Variants in WDFY3 observed in about 807,000 individuals in gnomAD.
WDFY3 encodes the protein WD repeat and FYVE domain-containing protein 3.
Under a neutral mutation model 409.6 loss-of-function variants are expected in WDFY3, and 66 were observed. That is an observed-to-expected ratio of 0.16 (90% CI 0.13 to 0.20). WDFY3 has a LOEUF of 0.20. Among genes scored for constraint, WDFY3 ranks in the 10% least tolerant of loss-of-function variants. WDFY3 has a pLI of 1.00. For synonymous variants in WDFY3, 1,521 were observed against 1,537.1 expected, an observed-to-expected ratio of 0.99 and a Z score of 0.25; for missense variants, 3,031 against 4,298.1, an observed-to-expected ratio of 0.71 and a Z score of 8.24.
intron 2 of WDFY3, among the ~76,000 whole-genome samples, chr4:84,916,061 A>G (rs1265789104): frequency 1.3e-5 from 2 of 152,238 alleles, no homozygotes; most frequent in African/African-American, 2.4e-5. Context: ...TCATAAAAAT[A>G]TCATGTTTTA....
At chr4:84,906,263 T>C (rs1767027700) in intron 2 of WDFY3, among the ~76,000 whole-genome samples, 1 of 152,196 alleles carries the variant, frequency 6.6e-6, no homozygotes, top group Non-Finnish European at 1.5e-5. Context: ...TATACAAATA[T>C]AACTCAGAGA....
At chr4:84,684,252 C>A in intron 62 of WDFY3, 127 bp from the exon 63 acceptor site, 1 of 808,820 alleles carries the variant, frequency 1.2e-6, no homozygotes, top group Non-Finnish European at 1.8e-6. Context: ...TGGCTAATTT[C>A]TTAGGTAACC....
In WDFY3 at chr4:84,748,162, C is replaced by A. The variant is rs546657146; in HGVS notation, c.5973+3321G>T. On this transcript the variant is annotated intron_variant, in intron 36 of 67. Transcript: ENST00000295888. ...AGTCTGGTGGTGACAGCACAGGGCA[C>A]TGATAAACAGGAGCTAGGAGAAGAG... 7.2e-5 allele frequency among the ~76,000 whole-genome samples: 11 copies of A among 152,270 alleles called. No homozygotes were observed. The East Asian group carries it at 2.1e-3, about 29-fold the overall frequency.
chr4:84,783,059 G>T lies in WDFY3; in HGVS notation c.4078C>A (p.His1360Asn). ...AACTTCACAGGAGTGGCATTCTCAT[G>T]TGAGGAAATGCCTAACTGAAAAATA... is the stretch of plus-strand genomic sequence containing the variant. ...AIAKQLGISS[H>N]ENATPVKLIH... The change falls in exon 25 of 68, where the codon CAT becomes AAT. Residue 1360 changes from histidine to asparagine, a missense_variant. By Grantham distance (68) the His-to-Asn change is moderately conservative. Coordinates refer to ENST00000295888, the MANE Select transcript of WDFY3 (RefSeq NM_014991.6). 6.2e-7 allele frequency: 1 copy of T among 1,613,892 alleles called. No homozygotes were observed. The highest frequency in any genetic ancestry group is 8.5e-7 in the Non-Finnish European group (1 of 1,179,860).
intron 4 of WDFY3, among the ~76,000 whole-genome samples, chr4:84,853,462 A>G (rs1759317915): frequency 6.6e-6 from 1 of 151,784 alleles, no homozygotes; most frequent in Non-Finnish European, 1.5e-5. Context: ...GCGTGAGCCA[A>G]CTCTCCTGGC....
Position 84,783,056 on chromosome 4 carries a change from C to G in WDFY3, c.4081G>C (p.Glu1361Gln), listed in dbSNP as rs769420642. The G allele has an allele frequency of 6.2e-7, 1 of 1,613,956 alleles. No individual in the cohort carries two copies. Among genetic ancestry groups the G allele is most frequent in the Non-Finnish European group, 8.5e-7 (1 of 1,179,960 alleles). ...ATCAACTTCACAGGAGTGGCATTCT[C>G]ATGTGAGGAAATGCCTAACTGAAAA... The part of the protein sequence containing the change: ...IAKQLGISSH[E>Q]NATPVKLIHN... Residue 1361 changes from glutamate to glutamine, a missense_variant, in exon 25 of 68, where the codon GAG (glutamate) becomes CAG (glutamine). Glu to Gln is a conservative substitution (Grantham distance 29). This residue lies in a region of WDFY3 where 1,322 missense variants were observed against 1,697.9 expected (regional missense o/e 0.78). Transcript: ENST00000295888.
intron 32 of WDFY3, among the ~76,000 whole-genome samples, chr4:84,760,129 C>A (rs2149352291): frequency 6.6e-6 from 1 of 151,658 alleles, no homozygotes; most frequent in Middle Eastern, 3.4e-3. Context: ...TATATTGAAC[C>A]AGCCTTGCAT....
At chr4:84,911,104 C>T (rs369385915) in intron 2 of WDFY3, among the ~76,000 whole-genome samples, 12 of 152,054 alleles carry the variant, frequency 7.9e-5, no homozygotes, top group African/African-American at 2.9e-4. Flanking sequence ...TTTAGTACAC[C>T]AAAGGACACT....
rs903098276 is a variant in WDFY3, at chr4:84,947,877, C to A, written c.-225-15514G>T. Among the ~76,000 whole-genome samples the A allele has an allele frequency of 7.9e-5, 12 of 151,912 alleles. No individual in the cohort carries two copies. The East Asian group carries it at 2.1e-3, about 27-fold the overall frequency. ...CTCCAGCCTAGATGAAAGAGTGAGACCCTGTCTCAAAAGTAAATAAATAAA... is the reference window on the plus strand; with the variant it reads ...CTCCAGCCTAGATGAAAGAGTGAGAACCTGTCTCAAAAGTAAATAAATAAA... On this transcript the variant is annotated intron_variant, in intron 1 of 67. Transcript: ENST00000295888.
chr4:84,844,964 A>G (rs996072949), intron 5 of WDFY3, among the ~76,000 whole-genome samples: 1 of 152,372 alleles, frequency 6.6e-6, no homozygotes, highest in African/African-American at 2.4e-5. Context: ...ACCTAAACGT[A>G]TAACAAATCA....
intron 11 of WDFY3, among the ~76,000 whole-genome samples, 156 bp downstream of exon 11, chr4:84,820,928 C>T (rs1190849255): frequency 1.3e-5 from 2 of 152,014 alleles, no homozygotes; most frequent in Non-Finnish European, 2.9e-5. Flanking sequence ...GTTGAATGAA[C>T]CTGTAAATTT....
intron 6 of WDFY3, 25 bp from the exon 7 acceptor site, chr4:84,837,115 T>A (rs201211356): frequency 1.4e-6 from 2 of 1,469,184 alleles, no homozygotes; most frequent in East Asian, 2.5e-5. Context: ...AATAAATAAG[T>A]GAATAGATAG....
intron 37 of WDFY3, among the ~76,000 whole-genome samples, chr4:84,742,411 C>G (rs1738599907): frequency 6.6e-6 from 1 of 152,080 alleles, no homozygotes; most frequent in African/African-American, 2.4e-5. Context: ...GTGTGTTTAG[C>G]CCCTCCATCA....
At chr4:84,711,758 G>A (rs1732936756) in intron 51 of WDFY3, among the ~76,000 whole-genome samples, 1 of 151,796 alleles carries the variant, frequency 6.6e-6, no homozygotes, top group African/African-American at 2.4e-5. Context: ...GGCTGAGGCA[G>A]AAGAATCGTT....
intron 23 of WDFY3, 26 bp from the exon 24 acceptor site, chr4:84,786,165 A>C: frequency 1.3e-6 from 2 of 1,575,430 alleles, no homozygotes; most frequent in Non-Finnish European, 1.7e-6. Flanking sequence ...AATTCTTTTC[A>C]AAATCATCAG....
chr4:84,796,167 T>G (rs1749403604), intron 19 of WDFY3, among the ~76,000 whole-genome samples: 1 of 151,620 alleles, frequency 6.6e-6, no homozygotes, highest in African/African-American at 2.4e-5. Context: ...TACTCAACTC[T>G]GACACTCTAG....
intron 40 of WDFY3, 34 bp from the exon 41 acceptor site, chr4:84,737,400 A>T: frequency 6.6e-7 from 1 of 1,522,130 alleles, no homozygotes; most frequent in South Asian, 1.3e-5. Flanking sequence ...ACAAAAAAGT[A>T]AGCAAATGAT....
intron 5 of WDFY3, among the ~76,000 whole-genome samples, chr4:84,843,396 C>T (rs1192958422): frequency 1.3e-5 from 2 of 152,036 alleles, no homozygotes; most frequent in Non-Finnish European, 2.9e-5. Flanking sequence ...AAGGCATCTC[C>T]CACTTTTTAT....
At position 84,671,004 on chromosome 4, in the gene WDFY3, A is replaced by C. The variant is rs2148680923; in HGVS notation, c.*1864T>G. On this transcript the variant is annotated 3_prime_UTR_variant, in exon 68 of 68. Transcript: ENST00000295888. ...GAACTTTTAGAAATGGAAGTGTTTTAATCAATTTTGATATGTAATCATAAA... is the reference window on the plus strand; with the variant it reads ...GAACTTTTAGAAATGGAAGTGTTTTCATCAATTTTGATATGTAATCATAAA... 1 of 152,796 alleles carries C rather than the reference A, an allele frequency of 6.5e-6. No homozygotes were observed. The highest frequency in any genetic ancestry group is 1.9e-4 in the East Asian group (1 of 5,190). The allele number at this position is 152,796 out of a possible 1,614,324, so 9.5% of individuals were successfully genotyped here. A position where few individuals can be genotyped will look rare whatever the true frequency, so the allele number is the denominator to read the frequency against.
Sources: gnomAD v4.1 joint callset for allele counts (sites outside exome capture counted in the v4.1 genomes callset) on GRCh38, gnomAD v4.1.1 for gene constraint, gnomAD v4.1.1 regional missense constraint, MANE v1.5 for transcripts, NCBI Gene and HGNC (gene_info 2026-07-23, HGNC 2026-07-21) for gene names.